Variants in TDRD15 observed in about 807,000 individuals in gnomAD.
The protein encoded by TDRD15 is tudor domain-containing protein 15.
For missense variants in TDRD15, 1,416 were observed against 904.7 expected (o/e 1.57, Z -7.25); for synonymous variants, 503 against 314.5 (o/e 1.60, Z -6.34).
At chr2:21,124,704 T>G (rs1370192386) in intron 1 of TDRD15, among the ~76,000 whole-genome samples, 4 of 144,528 alleles carry the variant, frequency 2.8e-5, no homozygotes, top group Non-Finnish European at 6.0e-5. Flanking sequence ...TGCGTGTGTG[T>G]GTGTGTGACA....
chr2:21,131,004 A>T (rs935802583), intron 2 of TDRD15, among the ~76,000 whole-genome samples: 10 of 152,226 alleles, frequency 6.6e-5, no homozygotes, highest in Admixed American at 6.5e-4. Flanking sequence ...AAAGCATTTG[A>T]TGTAACTAGT....
intron 3 of TDRD15, among the ~76,000 whole-genome samples, chr2:21,136,733 A>G (rs1359753544): frequency 6.6e-6 from 1 of 152,068 alleles, no homozygotes; most frequent in Non-Finnish European, 1.5e-5. Context: ...AAATCCACAG[A>G]TTAGCTATGG....
rs187171397 is a variant in TDRD15, at chr2:21,140,454, C to A, written c.2987C>A (p.Thr996Lys). 1,578 of 697,192 alleles carry A rather than the reference C, an allele frequency of 2.3e-3. 20 individuals are homozygous for A. In the African/African-American group the frequency reaches 0.024, roughly 11 times the overall value. 43.2% of individuals were successfully genotyped at this position (697,192 alleles called of 1,614,324 possible). ...AATAAAGATCTAGAGATGATAGAAA[C>A]AAAAATCACAGAGAGTGTTAACCTC... Reference protein sequence around the residue: ...RNNKDLEMIETKITESVNLQN... With the variant: ...RNNKDLEMIEKKITESVNLQN... The change falls in exon 4 of 4, where the codon ACA (threonine) becomes AAA (lysine). Residue 996 changes from threonine (T) to lysine (K), a missense_variant. Transcript: ENST00000405799.
intron 1 of TDRD15, among the ~76,000 whole-genome samples, chr2:21,125,218 G>T (rs1235489701): frequency 6.6e-6 from 1 of 151,360 alleles, no homozygotes; most frequent in Non-Finnish European, 1.5e-5. Context: ...GGATGTGTGT[G>T]TGAGGGAGAG....
chr2:21,127,249 C>T (rs993676620), intron 1 of TDRD15, among the ~76,000 whole-genome samples: 1 of 151,924 alleles, frequency 6.6e-6, no homozygotes, highest in Non-Finnish European at 1.5e-5. Context: ...TTTTCTCACT[C>T]TCTCAGGCTT....
intron 2 of TDRD15, among the ~76,000 whole-genome samples, chr2:21,131,852 A>G (rs773959354): frequency 2.3e-4 from 35 of 151,978 alleles, no homozygotes; most frequent in Non-Finnish European, 5.0e-4. Flanking sequence ...ATAAATGAAA[A>G]CTCTTTGAGA....
In TDRD15 at chr2:21,142,915, C is replaced by T. The variant is rs528310479; in HGVS notation, c.5448C>T (p.Asp1816=). The T allele has an allele frequency of 1.4e-6, 1 of 696,362 alleles. No homozygotes were observed. Among genetic ancestry groups the T allele is most frequent in the East Asian group, 2.7e-5 (1 of 37,102 alleles). The allele number at this position is 696,362 out of a possible 1,614,324, so 43.1% of individuals were successfully genotyped here. Residue 1816 remains aspartate, a synonymous_variant, in exon 4 of 4, where the codon GAC becomes GAT. Transcript: ENST00000405799. ...SPQSLCLVLV[D]YGFSFYIRYS... ...AGTCTTTATGTCTTGTGTTGGTTGA[C>T]TATGGATTTTCTTTTTATATACGTT...
chr2:21,147,288 G>A (rs181561179), downstream of TDRD15, among the ~76,000 whole-genome samples: 2 of 151,634 alleles, frequency 1.3e-5, no homozygotes, highest in Admixed American at 1.3e-4. Flanking sequence ...TCTGAAGATA[G>A]GATTTATGAG....
At position 21,126,123 on chromosome 2, in the gene TDRD15, C is replaced by T. The variant is rs79835061; in HGVS notation, c.-200-1478C>T. On this transcript the variant is annotated intron_variant, in intron 1 of 3. Transcript: ENST00000405799. Reference sequence around the variant, plus strand: ...ATTTGACATTTGACACATGTATACTCTATGAAACCACTATAAACGACATCG... The same window carrying T: ...ATTTGACATTTGACACATGTATACTTTATGAAACCACTATAAACGACATCG... 4.3e-3 allele frequency among the ~76,000 whole-genome samples: 654 copies of T among 152,244 alleles called. 5 individuals are homozygous for T. Among genetic ancestry groups the T allele is most frequent in the African/African-American group, 0.015 (633 of 41,532 alleles).
At chr2:21,132,959 A>G (rs1406493216) in intron 2 of TDRD15, among the ~76,000 whole-genome samples, 7 of 152,076 alleles carry the variant, frequency 4.6e-5, no homozygotes. Flanking sequence ...GCTTCTACCC[A>G]CTAGATATTG....
At chr2:21,129,056 C>T (rs567625263) in intron 2 of TDRD15, among the ~76,000 whole-genome samples, 19 of 152,214 alleles carry the variant, frequency 1.2e-4, no homozygotes, top group African/African-American at 4.6e-4. Flanking sequence ...CCCACCTTAG[C>T]CTCCTAAGTA....
intron 2 of TDRD15, among the ~76,000 whole-genome samples, chr2:21,133,908 A>G (rs1665763297): frequency 6.6e-6 from 1 of 151,990 alleles, no homozygotes; most frequent in South Asian, 2.1e-4. Flanking sequence ...ATATCATAAT[A>G]TTATGTTGAT....
At chr2:21,131,446 C>T (rs78096906) in intron 2 of TDRD15, among the ~76,000 whole-genome samples, 1,860 of 152,242 alleles carry the variant, frequency 0.012, 39 homozygotes, top group African/African-American at 0.042. Context: ...AAACTAACTT[C>T]GAAGAAACTA....
intron 2 of TDRD15, among the ~76,000 whole-genome samples, chr2:21,129,120 A>G (rs1665659356): frequency 6.6e-6 from 1 of 152,018 alleles, no homozygotes; most frequent in African/African-American, 2.4e-5. Context: ...TATTTATGGC[A>G]TTGTGTTTCT....
At chr2:21,134,058 C>T (rs1665765781) in intron 2 of TDRD15, among the ~76,000 whole-genome samples, 1 of 151,738 alleles carries the variant, frequency 6.6e-6, no homozygotes, top group Non-Finnish European at 1.5e-5. Context: ...TTCTAGTGGA[C>T]TTTACTGGTC....
chr2:21,142,158 A>T lies in TDRD15; in HGVS notation c.4691A>T (p.Glu1564Val), dbSNP rs1235709539. The change falls in exon 4 of 4, where the codon GAA becomes GTA. Residue 1564 changes from glutamate to valine, a missense_variant. By Grantham distance (121) the Glu-to-Val change is moderately radical. Transcript: ENST00000405799. ...TTAATAGTATTAATTACGAAAGAAG[A>T]AAAAAAATCCCCTTTTTTATCAATG... ...SDLIVLITKEEKKSPFLSMES... is the reference protein window; with the variant it reads ...SDLIVLITKEVKKSPFLSMES... The T allele has an allele frequency of 1.5e-6, 1 of 669,944 alleles. No homozygotes were observed. The highest frequency in any genetic ancestry group is 1.8e-5 in the African/African-American group (1 of 54,356). The allele number at this position is 669,944 out of a possible 1,614,324, so 41.5% of individuals were successfully genotyped here.
intron 3 of TDRD15, among the ~76,000 whole-genome samples, chr2:21,137,122 C>G (rs754401505): frequency 6.6e-6 from 1 of 151,918 alleles, no homozygotes; most frequent in Non-Finnish European, 1.5e-5. Context: ...TAATTTAGCT[C>G]CTTTCATTAC....
chr2:21,141,187 T>C lies in TDRD15; in HGVS notation c.3720T>C (p.Pro1240=), dbSNP rs920419117. Residue 1240 remains proline (P), a synonymous_variant, in exon 4 of 4, where the codon CCT becomes CCC. Transcript: ENST00000405799. ...GGCTTAAAGGTATAAAAATTGTCCC[T>C]GGAGCTGCACATATTCTTGAGAACA... is the stretch of plus-strand genomic sequence containing the variant. The part of the protein sequence containing the change: ...NDGLKGIKIV[P]GAAHILENRR... 1.4e-6 allele frequency: 1 copy of C among 714,938 alleles called. No individual in the cohort carries two copies. The highest frequency in any genetic ancestry group is 2.6e-6 in the Non-Finnish European group (1 of 383,764). The allele number at this position is 714,938 out of a possible 1,614,324, so 44.3% of individuals were successfully genotyped here.
At chr2:21,146,735 G>A (rs1666037024), downstream of TDRD15, among the ~76,000 whole-genome samples, 1 of 152,052 alleles carries the variant, frequency 6.6e-6, no homozygotes. Flanking sequence ...TTAAAGAGGA[G>A]TTTTTAATAT....
Sources: gnomAD v4.1 joint callset for allele counts (sites outside exome capture counted in the v4.1 genomes callset) on GRCh38, gnomAD v4.1.1 for gene constraint, MANE v1.5 for transcripts, NCBI Gene and HGNC (gene_info 2026-07-23, HGNC 2026-07-21) for gene names.